Variants in S100Z observed in about 807,000 individuals in gnomAD.
S100Z encodes the protein protein S100-Z.
S100Z carries 11 observed loss-of-function variants against 8.5 expected under a neutral mutation model. The observed-to-expected ratio is 1.30, with a 90% confidence interval of 0.82 to 2.15. S100Z has a LOEUF of 2.15. S100Z is among the 30% of genes most tolerant of loss of function. The pLI, the probability that S100Z is intolerant of heterozygous loss-of-function variation, is 0.00. For synonymous variants in S100Z, 34 were observed against 43.8 expected, an observed-to-expected ratio of 0.78 and a Z score of 0.89; for missense variants, 126 against 117.9, an observed-to-expected ratio of 1.07 and a Z score of -0.32.
At chr5:76,874,210 T>C (rs1347832900) in intron 2 of S100Z, among the ~76,000 whole-genome samples, 2 of 152,150 alleles carry the variant, frequency 1.3e-5, no homozygotes, top group Non-Finnish European at 2.9e-5. Context: ...TTTTTTTTTT[T>C]TTCAACTGTC....
chr5:76,912,091 G>GCTAT (rs60399549), intron 4 of S100Z, among the ~76,000 whole-genome samples: 1 of 151,484 alleles, frequency 6.6e-6, no homozygotes. Flanking sequence ...TGCGGCGTTG[G>GCTAT]CTTAGTGTCA....
chr5:76,915,409 C>T (rs1744822692), intron 4 of S100Z, among the ~76,000 whole-genome samples: 1 of 151,798 alleles, frequency 6.6e-6, no homozygotes, highest in Admixed American at 6.6e-5. Context: ...CAAGACCATC[C>T]TGGCCAACAT....
chr5:76,951,233 G>A, the S100Z span, among the ~76,000 whole-genome samples: 6 of 152,332 alleles, frequency 3.9e-5, no homozygotes, highest in South Asian at 1.2e-3. Context: ...CCCAGCTCTT[G>A]CTGTGTGTGG....
At chr5:76,899,773 G>A (rs1744170402) in intron 4 of S100Z, among the ~76,000 whole-genome samples, 1 of 152,134 alleles carries the variant, frequency 6.6e-6, no homozygotes, top group Admixed American at 6.6e-5. Flanking sequence ...TAGGATAAGA[G>A]TAGTTTATAC....
chr5:76,944,208 T>G, the S100Z span, among the ~76,000 whole-genome samples: 26 of 152,290 alleles, frequency 1.7e-4, no homozygotes, highest in Non-Finnish European at 8.8e-5. Context: ...GAACCCTCAT[T>G]GCCTGGTGGG....
intron 1 of S100Z, among the ~76,000 whole-genome samples, chr5:76,868,054 G>A (rs1742846909): frequency 6.6e-6 from 1 of 152,192 alleles, no homozygotes; most frequent in African/African-American, 2.4e-5. Context: ...GCTATCAACA[G>A]GTGTGTCTCC....
intron 4 of S100Z, among the ~76,000 whole-genome samples, chr5:76,907,710 C>T (rs1744506716): frequency 1.3e-5 from 2 of 152,074 alleles, no homozygotes; most frequent in African/African-American, 4.8e-5. Flanking sequence ...TTTTTGATTG[C>T]TGCTTATAGT....
At chr5:76,894,286 G>T (rs1743960448) in intron 4 of S100Z, among the ~76,000 whole-genome samples, 1 of 152,092 alleles carries the variant, frequency 6.6e-6, no homozygotes, top group South Asian at 2.1e-4. Flanking sequence ...GGCTTTTCTG[G>T]ACCAAACCAA....
chr5:76,877,157 A>T (rs777275651), intron 3 of S100Z, among the ~76,000 whole-genome samples: 2 of 152,132 alleles, frequency 1.3e-5, no homozygotes, highest in African/African-American at 2.4e-5. Context: ...TAGTATTTTT[A>T]TTTGCTAAAT....
the S100Z span, among the ~76,000 whole-genome samples, chr5:76,927,731 A>G: frequency 6.6e-6 from 1 of 152,228 alleles, no homozygotes; most frequent in African/African-American, 2.4e-5. Flanking sequence ...GAGAGTTAGG[A>G]AGGTGAAGAC....
At chr5:76,944,782 G>A in the S100Z span, among the ~76,000 whole-genome samples, 1 of 152,206 alleles carries the variant, frequency 6.6e-6, no homozygotes, top group Admixed American at 6.5e-5. Flanking sequence ...TCAGGGAAGA[G>A]GCTGATGTTA....
At chr5:76,886,255 C>G (rs1248188250) in intron 4 of S100Z, among the ~76,000 whole-genome samples, 2 of 152,164 alleles carry the variant, frequency 1.3e-5, no homozygotes, top group African/African-American at 4.8e-5. Context: ...GGCTGCCTTC[C>G]CGAGTCTGTG....
intron 4 of S100Z, among the ~76,000 whole-genome samples, chr5:76,880,859 T>C (rs1743380489): frequency 1.3e-5 from 2 of 152,176 alleles, no homozygotes; most frequent in Non-Finnish European, 2.9e-5. Context: ...TTTTTCTTCA[T>C]TTAAAAATAT....
chr5:76,940,862 TGACTAG>T, the S100Z span, among the ~76,000 whole-genome samples: 1 of 152,224 alleles, frequency 6.6e-6, no homozygotes, highest in African/African-American at 2.4e-5. Context: ...AGGTTCCCCT[TGACTAG>T]GACAGTTGCT....
intron 4 of S100Z, among the ~76,000 whole-genome samples, chr5:76,890,524 C>T (rs913390898): frequency 1.3e-5 from 2 of 151,992 alleles, no homozygotes; most frequent in African/African-American, 2.4e-5. Context: ...GTGACGTGCA[C>T]CTAAAGTCCC....
intron 4 of S100Z, among the ~76,000 whole-genome samples, chr5:76,915,663 T>C (rs987453871): frequency 5.9e-5 from 9 of 151,624 alleles, no homozygotes; most frequent in African/African-American, 1.9e-4. Context: ...AAAGATAAAG[T>C]GGTAGGCTTA....
chr5:76,923,587 C>A (rs771630083), downstream of S100Z, among the ~76,000 whole-genome samples: 1 of 149,276 alleles, frequency 6.7e-6, no homozygotes, highest in African/African-American at 2.5e-5. Context: ...CTCCCACCCA[C>A]GATGGTTCCT....
chr5:76,879,742 A>G (rs544222573), intron 4 of S100Z, among the ~76,000 whole-genome samples: 1 of 152,320 alleles, frequency 6.6e-6, no homozygotes, highest in Admixed American at 6.5e-5. Flanking sequence ...AAGTGATACA[A>G]AAGAGGCATG....
intron 1 of S100Z, among the ~76,000 whole-genome samples, chr5:76,850,574 C>T (rs192133854): frequency 1.2e-3 from 177 of 152,222 alleles, no homozygotes; most frequent in African/African-American, 3.9e-3. Flanking sequence ...AGATCCACGC[C>T]GTGATTTCGC....
Sources: allele counts gnomAD v4.1 joint callset (sites outside exome capture counted in the v4.1 genomes callset), GRCh38; gene constraint gnomAD v4.1.1; transcripts MANE v1.5; gene names NCBI Gene and HGNC (gene_info 2026-07-23, HGNC 2026-07-21).